Variants in CCNY observed in about 807,000 individuals in gnomAD.
CCNY encodes the protein cyclin Y.
A neutral mutation model predicts 42.8 loss-of-function variants in CCNY; 19 were observed. The ratio of observed to expected loss-of-function variants is 0.44; its 90% CI spans 0.31 to 0.65. The LOEUF is 0.65. Among genes scored for constraint, CCNY ranks in the 30% least tolerant of loss-of-function variants. The probability of loss-of-function intolerance (pLI) is 0.07; values close to 1 mark genes in which losing one functional copy is unlikely to be tolerated. For synonymous variants in CCNY, 165 were observed against 162.7 expected (o/e 1.01, Z -0.11); for missense variants, 370 against 437.3 (o/e 0.85, Z 1.37).
intron 1 of CCNY, among the ~76,000 whole-genome samples, chr10:35,468,605 G>A (rs966003379): frequency 6.6e-6 from 1 of 151,880 alleles, no homozygotes; most frequent in Non-Finnish European, 1.5e-5. Context: ...TGATATTTTT[G>A]AGTTTCTTGA....
In CCNY at chr10:35,296,982, C is replaced by G. The variant is rs140483587; in HGVS notation, c.-9+46356C>G. Among the ~76,000 whole-genome samples, 1,133 of 151,946 alleles carry G rather than the reference C, an allele frequency of 7.5e-3. 12 individuals are homozygous for G. The highest frequency in any genetic ancestry group is 0.026 in the African/African-American group (1,067 of 41,448). The stretch of plus-strand genomic sequence containing the variant: ...GCCAGTGTCATCCTGATACCAAAAC[C>G]TGGCAAAACACAACAACAAAAAAAT... On this transcript the variant is annotated intron_variant, in intron 3 of 11. Coordinates refer to the CCNY transcript ENST00000374706.
chr10:35,557,607 T>C (rs567034422), intron 8 of CCNY, among the ~76,000 whole-genome samples: 1 of 150,828 alleles, frequency 6.6e-6, no homozygotes, highest in East Asian at 1.9e-4. Flanking sequence ...AATACAAAAA[T>C]TAGCTGGTAC....
chr10:35,329,320 G>C (rs994382062), intron 3 of CCNY, among the ~76,000 whole-genome samples: 4 of 152,222 alleles, frequency 2.6e-5, no homozygotes, highest in African/African-American at 9.6e-5. Context: ...GGGAGGCCCA[G>C]ATGGGTGGAT....
intron 3 of CCNY, among the ~76,000 whole-genome samples, chr10:35,264,465 T>C (rs1473981600): frequency 6.6e-6 from 1 of 152,184 alleles, no homozygotes; most frequent in Non-Finnish European, 1.5e-5. Flanking sequence ...CTCTGCAACT[T>C]CACCAGCATC....
chr10:35,364,787 C>T (rs760379856), intron 1 of CCNY, among the ~76,000 whole-genome samples: 3 of 152,072 alleles, frequency 2.0e-5, no homozygotes, highest in African/African-American at 7.2e-5. Flanking sequence ...ATAATTACTG[C>T]AATTTTAAAA....
intron 3 of CCNY, among the ~76,000 whole-genome samples, chr10:35,292,935 A>G (rs1835431691): frequency 6.6e-6 from 1 of 151,056 alleles, no homozygotes; most frequent in African/African-American, 2.4e-5. Flanking sequence ...ACCTGTTACC[A>G]CGCCTAGCTA....
intron 8 of CCNY, among the ~76,000 whole-genome samples, chr10:35,560,713 A>G (rs1180364520): frequency 6.6e-6 from 1 of 152,244 alleles, no homozygotes; most frequent in Non-Finnish European, 1.5e-5. Flanking sequence ...GTGGACATAG[A>G]TGCTGGTGGA....
chr10:35,420,353 C>T (rs1030262463), intron 1 of CCNY, among the ~76,000 whole-genome samples: 4 of 152,134 alleles, frequency 2.6e-5, no homozygotes, highest in Non-Finnish European at 4.4e-5. Flanking sequence ...CTAAAAGCAG[C>T]GAGCCCTAGA....
At chr10:35,398,616 A>G (rs1457877002) in intron 1 of CCNY, among the ~76,000 whole-genome samples, 1 of 151,974 alleles carries the variant, frequency 6.6e-6, no homozygotes, top group Non-Finnish European at 1.5e-5. Flanking sequence ...GTCATTGTGT[A>G]ATTCAAACTC....
At chr10:35,307,786 GTGTGTGTGTGTGTGTA>G (rs1278626549) in intron 3 of CCNY, among the ~76,000 whole-genome samples, 10 of 79,950 alleles carry the variant, frequency 1.3e-4, no homozygotes, top group African/African-American at 6.0e-4. Flanking sequence ...GTGTGTGTGT[GTGTGTGTGTGTGTGTA>G]TATATATATA....
intron 4 of CCNY, among the ~76,000 whole-genome samples, chr10:35,524,669 G>A (rs940163280): frequency 3.9e-5 from 6 of 152,100 alleles, no homozygotes; most frequent in Non-Finnish European, 7.4e-5. Context: ...CACAAATAGT[G>A]GAAGTATCTA....
intron 3 of CCNY, among the ~76,000 whole-genome samples, chr10:35,253,092 G>C (rs979919498): frequency 3.9e-5 from 6 of 152,140 alleles, no homozygotes; most frequent in African/African-American, 1.4e-4. Flanking sequence ...AACAAATGAA[G>C]TTCACTGCTG....
chr10:35,396,417 T>TG (rs1485621976), intron 1 of CCNY, among the ~76,000 whole-genome samples: 1 of 151,896 alleles, frequency 6.6e-6, no homozygotes, highest in Non-Finnish European at 1.5e-5. Flanking sequence ...GAAGGTGGGG[T>TG]GGGGGGCAGC....
chr10:35,255,538 T>C (rs890180355), intron 3 of CCNY, among the ~76,000 whole-genome samples: 15 of 151,882 alleles, frequency 9.9e-5, no homozygotes, highest in Non-Finnish European at 1.5e-5. Flanking sequence ...CCTCAGGTGA[T>C]CCACCTGCCT....
At chr10:35,540,947 T>G (rs1029997118) in intron 7 of CCNY, among the ~76,000 whole-genome samples, 5 of 152,198 alleles carry the variant, frequency 3.3e-5, no homozygotes, top group Non-Finnish European at 5.9e-5. Flanking sequence ...AATTTTGTTG[T>G]TTTTTCCAAG....
intron 1 of CCNY, among the ~76,000 whole-genome samples, chr10:35,363,940 G>A (rs1396809080): frequency 6.6e-6 from 1 of 152,106 alleles, no homozygotes; most frequent in African/African-American, 2.4e-5. Context: ...CTCTGAGGAG[G>A]GACAGGGTAA....
chr10:35,303,597 G>T (rs1005752680), intron 3 of CCNY, among the ~76,000 whole-genome samples: 1 of 150,238 alleles, frequency 6.7e-6, no homozygotes, highest in African/African-American at 2.4e-5. Flanking sequence ...GACCAACATG[G>T]AGAAACCCCA....
chr10:35,524,928 T>A (rs1840622227), intron 4 of CCNY, among the ~76,000 whole-genome samples: 1 of 152,228 alleles, frequency 6.6e-6, no homozygotes, highest in Admixed American at 6.5e-5. Flanking sequence ...GCAATATGTG[T>A]TGAGAGCCTC....
At chr10:35,413,460 A>C (rs1469286810) in intron 1 of CCNY, among the ~76,000 whole-genome samples, 1 of 152,148 alleles carries the variant, frequency 6.6e-6, no homozygotes. Context: ...TGAGGTGAGG[A>C]TATGCAGTGA....
Sources: gnomAD v4.1 joint callset for allele counts (sites outside exome capture counted in the v4.1 genomes callset) on GRCh38, gnomAD v4.1.1 for gene constraint, MANE v1.5 for transcripts, NCBI Gene and HGNC (gene_info 2026-07-23, HGNC 2026-07-21) for gene names.